The following PLEKHH1 variants were observed in gnomAD, a reference collection of about 807,000 sequenced individuals.
The protein encoded by PLEKHH1 is pleckstrin homology, MyTH4 and FERM domain containing H1.
A neutral mutation model predicts 160.0 loss-of-function variants in PLEKHH1; 104 were observed. That is an observed-to-expected ratio of 0.65 (90% CI 0.55 to 0.76). The LOEUF is 0.76. PLEKHH1 is among the 30% of genes least tolerant of loss of function. The pLI, the probability that PLEKHH1 is intolerant of heterozygous loss-of-function variation, is 0.00. For missense variants in PLEKHH1, 1,427 were observed against 1,724.1 expected (o/e 0.83, Z 3.05); for synonymous variants, 619 against 678.4 (o/e 0.91, Z 1.36).
At chr14:67,537,382 A>AATAATAATAATAAT (rs1566718826) in intron 1 of PLEKHH1, among the ~76,000 whole-genome samples, 4 of 93,446 alleles carry the variant, frequency 4.3e-5, no homozygotes, top group African/African-American at 1.7e-4. Flanking sequence ...ATAATAATAA[A>AATAATAATAATAAT]AACTTAATCT....
At position 67,583,867 on chromosome 14, in the gene PLEKHH1, C is replaced by A; in HGVS notation, c.3553C>A (p.Pro1185Thr). 6.2e-7 allele frequency: 1 copy of A among 1,613,736 alleles called. No individual in the cohort carries two copies. ...CCCCAGGCGCTATAGACATGGGGCC[C>A]CCGCTGAACAGCTGAGGTAGGTAGG... ...FHPRRYRHGA[P>T]AEQLRHLADM... Residue 1185 changes from proline to threonine, a missense_variant, in exon 25 of 29, where the codon CCC becomes ACC. Pro to Thr is a conservative substitution (Grantham distance 38). Around this residue, in one of 6 missense-constraint regions of PLEKHH1, gnomAD observed 436 missense variants for 607.5 expected, o/e 0.72. Coordinates refer to ENST00000329153, the MANE Select transcript of PLEKHH1 (RefSeq NM_020715.3).
At position 67,562,369 on chromosome 14, in the gene PLEKHH1, T is replaced by TG. The variant is rs2034880884; in HGVS notation, c.742dup (p.Glu248GlyfsTer31). 1 of 1,613,552 alleles carries TG rather than the reference T, an allele frequency of 6.2e-7. No homozygotes were observed. The highest frequency in any genetic ancestry group is 8.5e-7 in the Non-Finnish European group (1 of 1,179,638). On this transcript the variant is annotated frameshift_variant, in exon 7 of 29. Transcript: ENST00000329153. LOFTEE classifies it high-confidence loss of function. ...ATTCTAGTTCCAGCACGGTCCATTCTGGGGAAACAGTAGAGGCCAAGCCCC... is the reference window on the plus strand; with the variant it reads ...ATTCTAGTTCCAGCACGGTCCATTCTGGGGGAAACAGTAGAGGCCAAGCCCC...
rs2036303665 is a variant in PLEKHH1 at position 67,589,554 on chromosome 14, A to G, written c.*2319A>G. The G allele has an allele frequency of 3.0e-6, 3 of 985,456 alleles. No homozygotes were observed. The highest frequency in any genetic ancestry group is 3.6e-6 in the Non-Finnish European group (3 of 829,930). 61.0% of individuals were successfully genotyped at this position (985,456 alleles called of 1,614,324 possible). A position where few individuals can be genotyped will look rare whatever the true frequency, so the allele number is the denominator to read the frequency against. ...ACCAGGTAACTGTGTGTTTTGGAAGATCTGTTTATTAACAGTAAATAAATA... is the reference window on the plus strand; with the variant it reads ...ACCAGGTAACTGTGTGTTTTGGAAGGTCTGTTTATTAACAGTAAATAAATA... On this transcript the variant is annotated 3_prime_UTR_variant, in exon 29 of 29. Coordinates refer to ENST00000329153, the MANE Select transcript of PLEKHH1 (RefSeq NM_020715.3).
In PLEKHH1 at chr14:67,578,034, C is replaced by T; in HGVS notation, c.2586C>T (p.Leu862=). Residue 862 remains leucine, a synonymous_variant, in exon 19 of 29, where the codon CTC becomes CTT. Transcript: ENST00000329153. The surrounding 1 kb of genome is among the most constrained non-coding windows in gnomAD (Gnocchi z 5.0). ...CTGTTCCCTCCCAGTCCTGCCAGCT[C>T]TTCATCAACGTGCCGGTGGAAGCTG... ...EALKLFKSCQ[L]FINVPVEAAS... 6.2e-7 allele frequency: 1 copy of T among 1,613,650 alleles called. No individual in the cohort carries two copies. The highest frequency in any genetic ancestry group is 8.5e-7 in the Non-Finnish European group (1 of 1,179,760).
intron 26 of PLEKHH1, chr14:67,585,345 G>C (rs2036101118): frequency 3.8e-6 from 2 of 530,422 alleles, no homozygotes; most frequent in African/African-American, 3.9e-5. Flanking sequence ...CCTTTGAGAT[G>C]GTTAGTAGGT....
At chr14:67,579,586 A>G in intron 21 of PLEKHH1, 135 bp from the exon 22 acceptor site, 4 of 869,872 alleles carry the variant, frequency 4.6e-6, no homozygotes, top group Non-Finnish European at 7.0e-6. Flanking sequence ...GCCTGTGAAC[A>G]CAGAAACCAA....
Position 67,561,954 on chromosome 14 carries a change from C to T in PLEKHH1, c.424C>T (p.Leu142Phe). ...KEWVTLKLAK[L>F]EMENQHLKSH... ...AATCTTCATTTTTCTTTTTGCTCAG[C>T]TTGAGATGGAGAATCAGCATCTGAA... Residue 142 changes from leucine (L) to phenylalanine (F), a missense_variant and splice_region_variant, in exon 6 of 29, where the codon CTT becomes TTT. Coordinates refer to ENST00000329153, the MANE Select transcript of PLEKHH1 (RefSeq NM_020715.3). 6.2e-7 allele frequency: 1 copy of T among 1,611,584 alleles called. No individual in the cohort carries two copies. Among genetic ancestry groups the T allele is most frequent in the Non-Finnish European group, 8.5e-7 (1 of 1,178,060 alleles).
chr14:67,577,476 C>A, intron 18 of PLEKHH1, 62 bp downstream of exon 18: 1 of 1,090,748 alleles, frequency 9.2e-7, no homozygotes, highest in Non-Finnish European at 1.4e-6. Context: ...GTGGAGAAGG[C>A]CTGTGCAGTT....
At position 67,575,878 on chromosome 14, in the gene PLEKHH1, C is replaced by T. The variant is rs749496823; in HGVS notation, c.2225C>T (p.Ser742Phe). 9 of 1,613,976 alleles carry T rather than the reference C, an allele frequency of 5.6e-6. No homozygotes were observed. In the South Asian group the frequency reaches 9.9e-5, roughly 18 times the overall value. Residue 742 changes from serine to phenylalanine, a missense_variant, in exon 16 of 29, where the codon TCC becomes TTC. Around this residue, in one of 6 missense-constraint regions of PLEKHH1, gnomAD observed 831 missense variants for 929.2 expected, o/e 0.89. Transcript: ENST00000329153. ...RDAHIEEVDRSCDSDEDYEAG... is the reference protein window; with the variant it reads ...RDAHIEEVDRFCDSDEDYEAG... ...GCGCACATAGAGGAAGTAGATCGAT[C>T]CTGTGACTCAGACGAGGACTATGAG...
chr14:67,582,080 G>A lies in PLEKHH1; in HGVS notation c.3296G>A (p.Arg1099His), dbSNP rs777710409. The change falls in exon 24 of 29, where the codon CGC (arginine) becomes CAC (histidine). Residue 1099 changes from arginine (R) to histidine (H), a missense_variant. Arg to His is a conservative substitution (Grantham distance 29). Transcript: ENST00000329153. This position sits in a 1 kb window ranked among gnomAD's most constrained non-coding sequence, Gnocchi z 5.0. ...KLMYKNRLYF[R>H]SQVKGETDRE... ...TCTCTTCTTTGTAGGCTGTACTTTC[G>A]CAGTCAAGTCAAAGGGGAGACGGAC... The A allele has an allele frequency of 2.4e-5, 38 of 1,610,306 alleles. No homozygotes were observed. Among genetic ancestry groups the A allele is most frequent in the African/African-American group, 6.7e-5 (5 of 74,848 alleles).
At position 67,569,811 on chromosome 14, in the gene PLEKHH1, G is replaced by C; in HGVS notation, c.1343-110G>C. 3 of 729,452 alleles carry C rather than the reference G, an allele frequency of 4.1e-6. No individual in the cohort carries two copies. The South Asian group carries it at 4.7e-5, about 12-fold the overall frequency. The allele number at this position is 729,452 out of a possible 1,614,324, so 45.2% of individuals were successfully genotyped here. A position where few individuals can be genotyped will look rare whatever the true frequency, so the allele number is the denominator to read the frequency against. On this transcript the variant is annotated intron_variant, in intron 8 of 28. Coordinates refer to ENST00000329153, the MANE Select transcript of PLEKHH1 (RefSeq NM_020715.3). ...GGCCCTGGCCCCCCTCTTGAGATCT[G>C]TCACTGGCCTGCTCCTGGAGGGAAT...
At chr14:67,571,729 T>C (rs1260333892) in intron 9 of PLEKHH1, 23 bp from the exon 10 acceptor site, 5 of 1,604,656 alleles carry the variant, frequency 3.1e-6, no homozygotes, top group Non-Finnish European at 4.3e-6. Flanking sequence ...TGAGCTGCAG[T>C]GAGGGAGGGG....
intron 2 of PLEKHH1, among the ~76,000 whole-genome samples, chr14:67,551,631 G>A (rs976223483): frequency 3.3e-5 from 5 of 152,086 alleles, no homozygotes; most frequent in African/African-American, 1.2e-4. Flanking sequence ...TTTCACGCCT[G>A]TAATCCCAGG....
At chr14:67,533,897 G>A (rs1294509886) in intron 1 of PLEKHH1, among the ~76,000 whole-genome samples, 2 of 152,108 alleles carry the variant, frequency 1.3e-5, no homozygotes, top group African/African-American at 4.8e-5. Context: ...TTGTGTCCTA[G>A]GAGTCTTAGC....
Position 67,569,145 on chromosome 14 carries a change from G to A in PLEKHH1, c.1271G>A (p.Arg424Gln), listed in dbSNP as rs774554553. The change falls in exon 8 of 29, where the codon CGG becomes CAG. Residue 424 changes from arginine (R) to glutamine (Q), a missense_variant. Arg to Gln is a conservative substitution (Grantham distance 43). Transcript: ENST00000329153. ...TGAGACCTCTTGTTTCAGGAGAGCC[G>A]GATCTATGCTGTGGCCACATCGGGC... ...PLHQFSSWES[R>Q]IYAVATSGMR... 15 of 1,610,500 alleles carry A rather than the reference G, an allele frequency of 9.3e-6. No homozygotes were observed. Among genetic ancestry groups the A allele is most frequent in the South Asian group, 2.2e-5 (2 of 90,992 alleles).
chr14:67,558,826 C>A (rs1270198140), intron 4 of PLEKHH1, among the ~76,000 whole-genome samples: 1 of 152,202 alleles, frequency 6.6e-6, no homozygotes, highest in Non-Finnish European at 1.5e-5. Context: ...GTTTTGTGGG[C>A]CACAGGTCTC....
At chr14:67,584,342 A>G (rs939987802) in intron 26 of PLEKHH1, among the ~76,000 whole-genome samples, 1 of 152,100 alleles carries the variant, frequency 6.6e-6, no homozygotes, top group African/African-American at 2.4e-5. Flanking sequence ...AAAAGAAAAG[A>G]TGTGATCAAC....
chr14:67,579,495 GATT>G (rs2035788513), intron 21 of PLEKHH1, 184 bp downstream of exon 21: 1 of 663,276 alleles, frequency 1.5e-6, no homozygotes, highest in African/African-American at 1.8e-5. Context: ...GCCTCCAAAA[GATT>G]GTTGGTAAAG....
intron 2 of PLEKHH1, among the ~76,000 whole-genome samples, chr14:67,553,638 C>A (rs968188135): frequency 3.3e-5 from 5 of 152,220 alleles, no homozygotes; most frequent in African/African-American, 9.7e-5. Context: ...TGGGGGCCAC[C>A]ACTATGTATC....
Sources: allele counts gnomAD v4.1 joint callset (sites outside exome capture counted in the v4.1 genomes callset), GRCh38; gene constraint gnomAD v4.1.1; regional missense constraint gnomAD v4.1.1; non-coding constraint Gnocchi (gnomAD v3.1); transcripts MANE v1.5; gene names NCBI Gene and HGNC (gene_info 2026-07-23, HGNC 2026-07-21).